The following SYT1 variants were observed in gnomAD, a reference collection of about 807,000 sequenced individuals.
SYT1 encodes the protein synaptotagmin 1, also known as synaptotagmin-1.
SYT1 carries 8 observed loss-of-function variants against 44.8 expected under a neutral mutation model. The ratio of observed to expected loss-of-function variants is 0.18; its 90% CI spans 0.10 to 0.32. The LOEUF is 0.32. Ranked by LOEUF, SYT1 falls within the 10% of genes least tolerant of loss-of-function variation. The pLI, the probability that SYT1 is intolerant of heterozygous loss-of-function variation, is 1.00. For missense variants in SYT1, 286 were observed against 509.3 expected, an observed-to-expected ratio of 0.56 and a Z score of 4.22; for synonymous variants, 154 against 188.8, an observed-to-expected ratio of 0.82 and a Z score of 1.51.
intron 8 of SYT1, among the ~76,000 whole-genome samples, chr12:79,300,444 G>T (rs1207854907): frequency 6.6e-6 from 1 of 151,944 alleles, no homozygotes; most frequent in Non-Finnish European, 1.5e-5. Context: ...GGCCTCTTGG[G>T]GTCACCAGGG....
At chr12:79,073,409 A>G (rs917468276) in intron 3 of SYT1, among the ~76,000 whole-genome samples, 4 of 152,196 alleles carry the variant, frequency 2.6e-5, no homozygotes, top group Non-Finnish European at 5.9e-5. Flanking sequence ...AGTATGTTAT[A>G]TGGTGATAAA....
intron 3 of SYT1, among the ~76,000 whole-genome samples, chr12:79,108,834 A>C (rs1878857679): frequency 6.6e-6 from 1 of 152,242 alleles, no homozygotes; most frequent in South Asian, 2.1e-4. Flanking sequence ...TTCTCTCCCC[A>C]GTAAGTTCAT....
chr12:79,002,220 T>A (rs17265383), intron 2 of SYT1, among the ~76,000 whole-genome samples: 18,009 of 152,144 alleles, frequency 0.12, 1,311 homozygotes, highest in Non-Finnish European at 0.17. Flanking sequence ...AGAAATAACA[T>A]GGAAAAAGTA....
chr12:79,149,389 GGTAAA>G (rs1308170269), intron 3 of SYT1, among the ~76,000 whole-genome samples: 6 of 151,946 alleles, frequency 3.9e-5, no homozygotes, highest in Non-Finnish European at 5.9e-5. Flanking sequence ...CTCAACTATG[GGTAAA>G]GTAGTTTCTA....
At chr12:79,039,046 T>C (rs1873332314) in intron 2 of SYT1, among the ~76,000 whole-genome samples, 2 of 151,958 alleles carry the variant, frequency 1.3e-5, no homozygotes, top group South Asian at 4.1e-4. Context: ...GCCGCAAAAA[T>C]TATTTGTATA....
At chr12:79,053,415 A>G (rs1015409467) in intron 3 of SYT1, among the ~76,000 whole-genome samples, 6 of 152,032 alleles carry the variant, frequency 3.9e-5, no homozygotes, top group Non-Finnish European at 5.9e-5. Context: ...CTAAATGACG[A>G]GTTAATGGGT....
intron 3 of SYT1, among the ~76,000 whole-genome samples, chr12:79,063,469 C>T (rs920952209): frequency 3.3e-5 from 5 of 152,134 alleles, no homozygotes; most frequent in African/African-American, 1.2e-4. Flanking sequence ...CCCAGGATCC[C>T]AGCCCGTGGC....
At chr12:79,280,106 T>G (rs1878967672) in intron 4 of SYT1, among the ~76,000 whole-genome samples, 1 of 151,712 alleles carries the variant, frequency 6.6e-6, no homozygotes, top group Admixed American at 6.6e-5. Context: ...ACTGTCAAAG[T>G]ATCAACATCA....
chr12:79,217,781 A>G, intron 4 of SYT1, 96 bp downstream of exon 4: 1 of 962,736 alleles, frequency 1.0e-6, no homozygotes, highest in Admixed American at 3.4e-5. Flanking sequence ...TATACTATAA[A>G]TTTACATTTA....
At chr12:79,446,015 A>ATACATATATATATATATG (rs1870701790) in intron 10 of SYT1, among the ~76,000 whole-genome samples, 5 of 113,606 alleles carry the variant, frequency 4.4e-5, no homozygotes, top group African/African-American at 1.7e-4. Flanking sequence ...ATATATATAT[A>ATACATATATATATATATG]TATATATATA....
intron 1 of SYT1, among the ~76,000 whole-genome samples, chr12:78,904,866 A>AT (rs988420070): frequency 2.6e-4 from 39 of 152,110 alleles, no homozygotes; most frequent in African/African-American, 6.5e-4. Context: ...AAGAGATTTT[A>AT]TTTTTTTGGT....
At chr12:78,924,618 C>CAT (rs1403182725) in intron 1 of SYT1, among the ~76,000 whole-genome samples, 3 of 147,394 alleles carry the variant, frequency 2.0e-5, no homozygotes, top group African/African-American at 7.4e-5. Flanking sequence ...TGTGAATATA[C>CAT]ATATATATGT....
chr12:79,259,791 A>G (rs1877728560), intron 4 of SYT1, among the ~76,000 whole-genome samples: 1 of 152,216 alleles, frequency 6.6e-6, no homozygotes, highest in Non-Finnish European at 1.5e-5. Context: ...ATGTGGAGCC[A>G]TATGGGGCAA....
chr12:79,037,089 C>T (rs539614810), intron 2 of SYT1, among the ~76,000 whole-genome samples: 11 of 151,916 alleles, frequency 7.2e-5, no homozygotes, highest in African/African-American at 1.9e-4. Flanking sequence ...GGGCTGGAGA[C>T]CAACCAAAGC....
At chr12:79,232,734 G>T (rs1337662576) in intron 4 of SYT1, among the ~76,000 whole-genome samples, 2 of 151,966 alleles carry the variant, frequency 1.3e-5, no homozygotes, top group Non-Finnish European at 2.9e-5. Context: ...TCATCTTTGT[G>T]TCTCCAGTTC....
chr12:78,946,641 C>T (rs984762405), intron 1 of SYT1, among the ~76,000 whole-genome samples: 1 of 151,378 alleles, frequency 6.6e-6, no homozygotes, highest in Non-Finnish European at 1.5e-5. Flanking sequence ...GAACCAAGAT[C>T]GTGCCACTGC....
chr12:79,070,453 C>A (rs1019221950), intron 3 of SYT1, among the ~76,000 whole-genome samples: 22 of 151,666 alleles, frequency 1.5e-4, no homozygotes, highest in African/African-American at 5.3e-4. Flanking sequence ...CTTTTTTTAA[C>A]CTTGAAGGTC....
At chr12:78,944,490 T>G (rs1354201709) in intron 1 of SYT1, among the ~76,000 whole-genome samples, 1 of 151,980 alleles carries the variant, frequency 6.6e-6, no homozygotes, top group East Asian at 1.9e-4. Context: ...CATTTTATCT[T>G]GGGAGTTCAG....
At chr12:79,144,353 AG>A (rs1869744768) in intron 3 of SYT1, among the ~76,000 whole-genome samples, 1 of 152,210 alleles carries the variant, frequency 6.6e-6, no homozygotes, top group African/African-American at 2.4e-5. Context: ...TATCAGTCCC[AG>A]GGCTCAAATC....
Sources: allele counts gnomAD v4.1 joint callset (sites outside exome capture counted in the v4.1 genomes callset), GRCh38; gene constraint gnomAD v4.1.1; transcripts MANE v1.5; gene names NCBI Gene and HGNC (gene_info 2026-07-23, HGNC 2026-07-21).